The following MBNL3 variants were observed in gnomAD, a reference collection of about 807,000 sequenced individuals.
MBNL3 encodes muscleblind like splicing regulator 3, also known as muscleblind-like protein 3.
MBNL3 carries 6 observed loss-of-function variants against 24.5 expected under a neutral mutation model. The observed-to-expected ratio is 0.25, with a 90% CI of 0.13 to 0.48. The LOEUF is 0.48. Among genes scored for constraint, MBNL3 ranks in the 20% least tolerant of loss-of-function variants. MBNL3 has a pLI of 0.99. For synonymous variants in MBNL3, 100 were observed against 101.7 expected (o/e 0.98, Z 0.10); for missense variants, 230 against 293.5 (o/e 0.78, Z 1.58).
chrX:132,371,082 G>T lies in MBNL3; in HGVS notation c.*8584C>A, dbSNP rs962502220. 6.3e-5 allele frequency: 7 copies of T among 111,621 alleles called. No homozygotes were observed. The highest frequency in any genetic ancestry group is 1.9e-4 in the Admixed American group (2 of 10,493). 9.2% of individuals were successfully genotyped at this position (111,621 alleles called of 1,213,427 possible). A position where few individuals can be genotyped will look rare whatever the true frequency, so the allele number is the denominator to read the frequency against. On this transcript the variant is annotated 3_prime_UTR_variant, in exon 9 of 9. Transcript: ENST00000370853. ...TAGTGCTGGTATTATCAGACTCACA[G>T]AAACACCTACAAAACATTAAACGGC...
chrX:132,488,253 CAGT>C (rs911328803), intron 1 of MBNL3, among the ~76,000 whole-genome samples: 5 of 111,401 alleles, frequency 4.5e-5, no homozygotes, highest in Admixed American at 9.4e-5. Context: ...GAAAAACACA[CAGT>C]AGGTCTATTA....
chrX:132,404,169 T>G (rs186665996), intron 3 of MBNL3, among the ~76,000 whole-genome samples: 2 of 112,056 alleles, frequency 1.8e-5, no homozygotes, highest in African/African-American at 6.5e-5. Context: ...GTCATCTCAT[T>G]TCACAATGTA....
chrX:132,406,670 T>A (rs1468890442), intron 2 of MBNL3, among the ~76,000 whole-genome samples: 1 of 111,985 alleles, frequency 8.9e-6, no homozygotes, highest in Non-Finnish European at 1.9e-5. Flanking sequence ...AATTGAATGT[T>A]TTTTATTGAT....
chrX:132,384,000 C>T (rs1213511357), intron 7 of MBNL3, among the ~76,000 whole-genome samples: 1 of 112,065 alleles, frequency 8.9e-6, no homozygotes, highest in African/African-American at 3.2e-5. Flanking sequence ...AGTATTAGTG[C>T]TGTATAAAAT....
intron 1 of MBNL3, among the ~76,000 whole-genome samples, chrX:132,476,908 T>A (rs1041806518): frequency 2.7e-5 from 3 of 111,609 alleles, no homozygotes; most frequent in Non-Finnish European, 5.6e-5. Context: ...AAATCCTGAA[T>A]AACTCACACT....
At chrX:132,391,693 T>A (rs903523657) in intron 4 of MBNL3, among the ~76,000 whole-genome samples, 9 of 112,294 alleles carry the variant, frequency 8.0e-5, no homozygotes, top group African/African-American at 2.3e-4. Context: ...GCCTAGCACA[T>A]CACTCTCAAA....
chrX:132,403,505 T>C (rs1346532779), intron 3 of MBNL3, among the ~76,000 whole-genome samples: 3 of 111,961 alleles, frequency 2.7e-5, no homozygotes, highest in African/African-American at 9.8e-5. Flanking sequence ...TCATCTGAAA[T>C]CTGAAATTAC....
intron 6 of MBNL3, among the ~76,000 whole-genome samples, chrX:132,385,472 A>G (rs1935834142): frequency 9.0e-6 from 1 of 111,530 alleles, no homozygotes; most frequent in Non-Finnish European, 1.9e-5. Flanking sequence ...TTTTTGAAGA[A>G]AAAAAATGCT....
chrX:132,389,798 A>G (rs1448449417), intron 5 of MBNL3, among the ~76,000 whole-genome samples: 1 of 111,434 alleles, frequency 9.0e-6, no homozygotes, highest in Non-Finnish European at 1.9e-5. Context: ...CAGTGATCAC[A>G]CTGCAGTGTT....
At chrX:132,489,553 G>A (rs1460529437), upstream of MBNL3, among the ~76,000 whole-genome samples, 3 of 111,675 alleles carry the variant, frequency 2.7e-5, no homozygotes, top group African/African-American at 6.5e-5. Flanking sequence ...GACGCCAGAC[G>A]TCCCCTCGCG....
At chrX:132,387,913 G>C (rs770749670) in intron 5 of MBNL3, among the ~76,000 whole-genome samples, 1 of 111,505 alleles carries the variant, frequency 9.0e-6, no homozygotes, top group East Asian at 2.8e-4. Flanking sequence ...ATAATACTCC[G>C]TGAAACTTGC....
upstream of MBNL3, among the ~76,000 whole-genome samples, chrX:132,489,520 T>C (rs1160184280): frequency 9.1e-6 from 1 of 110,010 alleles, no homozygotes; most frequent in Non-Finnish European, 1.9e-5. Context: ...CGTGCCCTCC[T>C]CCCGGGCCAG....
At chrX:132,397,844 G>A (rs1203128542) in intron 3 of MBNL3, among the ~76,000 whole-genome samples, 1 of 110,790 alleles carries the variant, frequency 9.0e-6, no homozygotes, top group Non-Finnish European at 1.9e-5. Context: ...CACTCCTTGA[G>A]TAATGTTCCG....
intron 2 of MBNL3, among the ~76,000 whole-genome samples, chrX:132,409,047 A>G (rs1216890098): frequency 8.9e-6 from 1 of 112,298 alleles, no homozygotes; most frequent in Non-Finnish European, 1.9e-5. Context: ...TTTAACATCT[A>G]TATTATCCGT....
intron 3 of MBNL3, 144 bp from the exon 4 acceptor site, chrX:132,392,478 C>T: frequency 2.0e-6 from 1 of 502,558 alleles, no homozygotes; most frequent in Middle Eastern, 6.0e-4. Flanking sequence ...TTTTTAGCCT[C>T]ATACTAATTC....
At chrX:132,489,081 C>T (rs1034790235), upstream of MBNL3, 2 of 113,429 alleles carry the variant, frequency 1.8e-5, no homozygotes, top group African/African-American at 6.4e-5. Context: ...TAAAGCCCGC[C>T]CCACCTCCAG....
chrX:132,438,045 G>T, intron 2 of MBNL3: 1 of 179,436 alleles, frequency 5.6e-6, no homozygotes, highest in Non-Finnish European at 8.8e-6. Context: ...AAAACCTGAA[G>T]TATAAAATGC....
chrX:132,420,580 C>T (rs1943718171), intron 2 of MBNL3, among the ~76,000 whole-genome samples: 1 of 111,383 alleles, frequency 9.0e-6, no homozygotes, highest in African/African-American at 3.3e-5. Flanking sequence ...TTTTTTTTAA[C>T]CTCCTGTTTT....
At chrX:132,396,197 C>T (rs1012520337) in intron 3 of MBNL3, among the ~76,000 whole-genome samples, 1 of 106,373 alleles carries the variant, frequency 9.4e-6, no homozygotes, top group African/African-American at 3.4e-5. Context: ...AACTTTGCAT[C>T]TTGAACCTCA....
Sources: allele counts gnomAD v4.1 joint callset (sites outside exome capture counted in the v4.1 genomes callset), GRCh38; gene constraint gnomAD v4.1.1; transcripts MANE v1.5; gene names NCBI Gene and HGNC (gene_info 2026-07-23, HGNC 2026-07-21).